The following TNNI3K variants were observed in gnomAD, a reference collection of about 807,000 sequenced individuals.
The protein encoded by TNNI3K is TNNI3 interacting kinase, also known as serine/threonine-protein kinase TNNI3K.
Under a neutral mutation model 114.5 loss-of-function variants are expected in TNNI3K, and 140 were observed. The observed-to-expected ratio is 1.22, with a 90% CI of 1.07 to 1.41. TNNI3K has a LOEUF of 1.41. TNNI3K is among the 40% of genes most tolerant of loss of function. The pLI is 0.00. For missense variants in TNNI3K, 1,125 were observed against 1,007.6 expected (o/e 1.12, Z -1.58); for synonymous variants, 347 against 347.5 (o/e 1.00, Z 0.02).
In TNNI3K at chr1:74,264,622, T is replaced by G. The variant is rs143357261; in HGVS notation, c.334-6976T>G. Among the ~76,000 whole-genome samples the G allele has an allele frequency of 7.4e-3, 1,130 of 152,220 alleles. 13 individuals carry two copies. The highest frequency in any genetic ancestry group is 0.025 in the African/African-American group (1,032 of 41,560). ...TTTATATCCAGAAACTTAGTTTTCTTTCCAATCAAAGTTCAGCTCCTTCTT... is the reference window on the plus strand; with the variant it reads ...TTTATATCCAGAAACTTAGTTTTCTGTCCAATCAAAGTTCAGCTCCTTCTT... On this transcript the variant is annotated intron_variant, in intron 4 of 24. Coordinates refer to ENST00000326637, the MANE Select transcript of TNNI3K (RefSeq NM_015978.3).
intron 5 of TNNI3K, among the ~76,000 whole-genome samples, chr1:74,331,183 T>C (rs1207563113): frequency 1.3e-5 from 2 of 151,878 alleles, no homozygotes; most frequent in Non-Finnish European, 2.9e-5. Flanking sequence ...GACTCTACAA[T>C]TGGGTTTAGG....
In TNNI3K at chr1:74,367,248, T is replaced by C. The variant is rs1399011946; in HGVS notation, c.1178-8T>C. On this transcript the variant is annotated splice_region_variant and splice_polypyrimidine_tract_variant and intron_variant, in intron 11 of 24. Coordinates refer to ENST00000326637, the MANE Select transcript of TNNI3K (RefSeq NM_015978.3). ...AGGACTCTTTGTTCTTTGTATCTTT[T>C]CATAAAGGGCATGATGCCATTGTCA... 1.2e-6 allele frequency: 2 copies of C among 1,610,396 alleles called. No individual in the cohort carries two copies. Among genetic ancestry groups the C allele is most frequent in the Non-Finnish European group, 1.7e-6 (2 of 1,178,174 alleles).
intron 9 of TNNI3K, among the ~76,000 whole-genome samples, chr1:74,347,092 T>G (rs1661044115): frequency 6.6e-6 from 1 of 151,828 alleles, no homozygotes; most frequent in African/African-American, 2.4e-5. Flanking sequence ...GTTGCTGAGC[T>G]GCACCCATTA....
chr1:74,505,290 A>T (rs950570081), intron 23 of TNNI3K, among the ~76,000 whole-genome samples: 1 of 152,198 alleles, frequency 6.6e-6, no homozygotes, highest in African/African-American at 2.4e-5. Flanking sequence ...AATTAAATCT[A>T]TACAGGCAGC....
intron 2 of TNNI3K, among the ~76,000 whole-genome samples, chr1:74,244,769 G>T (rs970343382): frequency 1.7e-4 from 25 of 151,432 alleles, no homozygotes; most frequent in African/African-American, 5.3e-4. Context: ...TGTTTAGCAG[G>T]TGTTGTGCCA....
intron 17 of TNNI3K, among the ~76,000 whole-genome samples, chr1:74,409,516 T>C (rs1441521037): frequency 4.2e-5 from 6 of 143,284 alleles, no homozygotes; most frequent in Non-Finnish European, 9.1e-5. Flanking sequence ...TTTTTTGAGA[T>C]GGGGTCTCAC....
chr1:74,504,187 A>G (rs527868614), intron 23 of TNNI3K, among the ~76,000 whole-genome samples: 1 of 152,356 alleles, frequency 6.6e-6, no homozygotes, highest in South Asian at 2.1e-4. Context: ...TGCTTCTGGT[A>G]TCTTACAAAT....
intron 23 of TNNI3K, among the ~76,000 whole-genome samples, chr1:74,529,337 A>C (rs1224321160): frequency 6.6e-6 from 1 of 152,198 alleles, no homozygotes; most frequent in African/African-American, 2.4e-5. Context: ...AAGATGCATA[A>C]TTTGAATCTA....
At chr1:74,520,372 G>A (rs1325207444) in intron 23 of TNNI3K, among the ~76,000 whole-genome samples, 2 of 152,046 alleles carry the variant, frequency 1.3e-5, no homozygotes, top group Non-Finnish European at 2.9e-5. Flanking sequence ...CTTCGCGTGA[G>A]TTCCACCACC....
intron 5 of TNNI3K, among the ~76,000 whole-genome samples, chr1:74,302,058 G>C (rs1658360957): frequency 6.6e-6 from 1 of 152,176 alleles, no homozygotes; most frequent in African/African-American, 2.4e-5. Context: ...TGGCAGCTCT[G>C]CATCAGTCCA....
intron 17 of TNNI3K, among the ~76,000 whole-genome samples, chr1:74,421,462 T>C (rs879210852): frequency 6.6e-6 from 1 of 152,118 alleles, no homozygotes; most frequent in Non-Finnish European, 1.5e-5. Context: ...GAAATTGAGG[T>C]AACATATTTA....
chr1:74,309,757 A>T (rs900830665), intron 5 of TNNI3K, among the ~76,000 whole-genome samples: 3 of 152,202 alleles, frequency 2.0e-5, no homozygotes, highest in Non-Finnish European at 4.4e-5. Context: ...AAAATCAAAC[A>T]TCCCTTCATG....
intron 21 of TNNI3K, among the ~76,000 whole-genome samples, chr1:74,474,358 A>G (rs1489367667): frequency 6.6e-6 from 1 of 152,180 alleles, no homozygotes; most frequent in Non-Finnish European, 1.5e-5. Flanking sequence ...CAACCCCCAG[A>G]CACTGGTAAG....
At chr1:74,444,390 G>C (rs1666532828) in intron 20 of TNNI3K, among the ~76,000 whole-genome samples, 1 of 151,828 alleles carries the variant, frequency 6.6e-6, no homozygotes, top group Admixed American at 6.6e-5. Context: ...ACCAACAATA[G>C]ACAAGAAGAG....
At chr1:74,464,622 T>C in intron 21 of TNNI3K, 1 of 1,563,034 alleles carries the variant, frequency 6.4e-7, no homozygotes, top group Non-Finnish European at 8.7e-7. Context: ...AATTTTCCAT[T>C]CTTTTCCTAA....
chr1:74,335,471 T>G (rs1179653987), intron 6 of TNNI3K, among the ~76,000 whole-genome samples: 1 of 152,182 alleles, frequency 6.6e-6, no homozygotes, highest in Non-Finnish European at 1.5e-5. Context: ...TTTATTTCAC[T>G]GTTCAACCTC....
At chr1:74,510,452 G>T (rs931299458) in intron 23 of TNNI3K, among the ~76,000 whole-genome samples, 3 of 152,138 alleles carry the variant, frequency 2.0e-5, no homozygotes, top group Non-Finnish European at 2.9e-5. Context: ...AGCTTGCAGA[G>T]AGCCGACATC....
intron 20 of TNNI3K, among the ~76,000 whole-genome samples, chr1:74,446,644 G>A (rs1042535778): frequency 7.3e-5 from 11 of 150,318 alleles, no homozygotes; most frequent in Admixed American, 2.6e-4. Context: ...GTAATGCCAA[G>A]GTTTTCTTCT....
At chr1:74,473,131 A>C (rs773016639) in intron 21 of TNNI3K, among the ~76,000 whole-genome samples, 1 of 152,166 alleles carries the variant, frequency 6.6e-6, no homozygotes, top group Non-Finnish European at 1.5e-5. Context: ...CCATTAATTG[A>C]GCACATGCTA....
Sources: allele counts gnomAD v4.1 joint callset (sites outside exome capture counted in the v4.1 genomes callset), GRCh38; gene constraint gnomAD v4.1.1; transcripts MANE v1.5; gene names NCBI Gene and HGNC (gene_info 2026-07-23, HGNC 2026-07-21).